Variants in SLC38A10 observed in about 807,000 individuals in gnomAD.
SLC38A10 encodes Sodium-coupled neutral amino acid transporter 10.
A neutral mutation model predicts 81.0 loss-of-function variants in SLC38A10; 53 were observed. The ratio of observed to expected loss-of-function variants is 0.65; its 90% CI spans 0.53 to 0.82. SLC38A10 has a LOEUF of 0.82. SLC38A10 is among the 40% of genes least tolerant of loss of function. SLC38A10 has a pLI of 0.00. For synonymous variants in SLC38A10, 665 were observed against 655.3 expected, an observed-to-expected ratio of 1.01 and a Z score of -0.23; for missense variants, 1,471 against 1,545.0, an observed-to-expected ratio of 0.95 and a Z score of 0.80.
In SLC38A10 at chr17:81,265,881, A is replaced by G. The variant is rs147499320; in HGVS notation, c.1131+5037T>C. ...CTGGGGACAGGACGCACCAGACCCAAGTCAGAGGGAAAAAGAAACCTCTCC... is the reference window on the plus strand; with the variant it reads ...CTGGGGACAGGACGCACCAGACCCAGGTCAGAGGGAAAAAGAAACCTCTCC... On this transcript the variant is annotated intron_variant, in intron 10 of 15. Transcript: ENST00000374759. The surrounding 1 kb of genome is among the most constrained non-coding windows in gnomAD (Gnocchi z 4.2). Among the ~76,000 whole-genome samples, 2 of 152,360 alleles carry G rather than the reference A, an allele frequency of 1.3e-5. No homozygotes were observed. Among genetic ancestry groups the G allele is most frequent in the Non-Finnish European group, 2.9e-5 (2 of 68,024 alleles).
At position 81,270,085 on chromosome 17, in the gene SLC38A10, G is replaced by GA. The variant is rs2063101334; in HGVS notation, c.1131+832dup. Reference sequence around the variant, plus strand: ...AAACGCAAGTGGCTTCTAAACCCATGAAAAGACACTCAAGTTCCCGCCAGA... The same window carrying GA: ...AAACGCAAGTGGCTTCTAAACCCATGAAAAAGACACTCAAGTTCCCGCCAGA... On this transcript the variant is annotated intron_variant, in intron 10 of 15. Coordinates refer to ENST00000374759, the MANE Select transcript of SLC38A10 (RefSeq NM_001037984.3). The surrounding 1 kb of genome is among the most constrained non-coding windows in gnomAD (Gnocchi z 4.0). Among the ~76,000 whole-genome samples the GA allele has an allele frequency of 6.6e-6, 1 of 152,222 alleles. No homozygotes were observed. Among genetic ancestry groups the GA allele is most frequent in the South Asian group, 2.1e-4 (1 of 4,834 alleles).
At chr17:81,294,533 T>A (rs896343104) in intron 1 of SLC38A10, among the ~76,000 whole-genome samples, 1 of 152,204 alleles carries the variant, frequency 6.6e-6, no homozygotes, top group Non-Finnish European at 1.5e-5. Flanking sequence ...CCCTTCCGAT[T>A]CTGGAGGATC....
In SLC38A10 at chr17:81,293,780, C is replaced by A. The variant is rs1367789279; in HGVS notation, c.99+1043G>T. ...ATCTAAAATTAAACTACTGGTGCCA[C>A]TTTGTTTCAAAATATACATGTTGTT... On this transcript the variant is annotated intron_variant, in intron 1 of 15. Transcript: ENST00000374759. Among the ~76,000 whole-genome samples the A allele has an allele frequency of 2.6e-5, 4 of 152,198 alleles. No homozygotes were observed. In the East Asian group the frequency reaches 7.7e-4, roughly 29 times the overall value.
chr17:81,281,688 A>C lies in SLC38A10; in HGVS notation c.501+501T>G, dbSNP rs2063213467. Among the ~76,000 whole-genome samples, 1 of 152,166 alleles carries C rather than the reference A, an allele frequency of 6.6e-6. No individual in the cohort carries two copies. Among genetic ancestry groups the C allele is most frequent in the African/African-American group, 2.4e-5 (1 of 41,424 alleles). On this transcript the variant is annotated intron_variant, in intron 5 of 15. Transcript: ENST00000374759. The surrounding 1 kb of genome is among the most constrained non-coding windows in gnomAD (Gnocchi z 5.3). ...CTACTTGGGAGGCTGAGGCAGGAGAATCACTTGAACCCAGGAGATGGAGGT... is the reference window on the plus strand; with the variant it reads ...CTACTTGGGAGGCTGAGGCAGGAGACTCACTTGAACCCAGGAGATGGAGGT...
At position 81,282,264 on chromosome 17, in the gene SLC38A10, C is replaced by T. The variant is rs779996930; in HGVS notation, c.426G>A (p.Leu142=). Residue 142 remains leucine (L), a synonymous_variant, in exon 5 of 16, where the codon CTG becomes CTA. Transcript: ENST00000374759. ...GGATGGAGGCCATCATGTTCCGCTG[C>T]AGGCTGAGCGGGAGCACGATGCACA... The part of the protein sequence containing the change: ...VSLCIVLPLS[L]QRNMMASIQS... 6.2e-7 allele frequency: 1 copy of T among 1,613,634 alleles called. No individual in the cohort carries two copies. The highest frequency in any genetic ancestry group is 8.5e-7 in the Non-Finnish European group (1 of 1,180,034).
intron 2 of SLC38A10, chr17:81,285,511 C>A (rs915962349): frequency 6.6e-6 from 1 of 152,252 alleles, no homozygotes; most frequent in Admixed American, 6.5e-5. Context: ...CCCGACGGGG[C>A]GGCCGAATGC....
intron 6 of SLC38A10, chr17:81,280,027 G>A: frequency 2.6e-6 from 1 of 390,356 alleles, no homozygotes; most frequent in South Asian, 1.8e-5. Flanking sequence ...TTTCCCGTCT[G>A]CGCCGGATTT....
In SLC38A10 at chr17:81,253,101, C is replaced by T; in HGVS notation, c.1428G>A (p.Glu476=). The change falls in exon 12 of 16, where the codon GAG becomes GAA. Residue 476 remains glutamate (E), a synonymous_variant. Coordinates refer to ENST00000374759, the MANE Select transcript of SLC38A10 (RefSeq NM_001037984.3). The surrounding 1 kb of genome is among the most constrained non-coding windows in gnomAD (Gnocchi z 4.1). The part of the protein sequence containing the change: ...PGREDGKEAP[E]EAQLDRPGQG... ...GCCCAGGGCGATCGAGCTGTGCCTC[C>T]TCCGGTGCCTCCTTGCCATCTTCCC... 6.2e-7 allele frequency: 1 copy of T among 1,613,714 alleles called. No individual in the cohort carries two copies. Among genetic ancestry groups the T allele is most frequent in the Non-Finnish European group, 8.5e-7 (1 of 1,180,008 alleles).
At chr17:81,250,566 C>T (rs915852932) in intron 14 of SLC38A10, among the ~76,000 whole-genome samples, 3 of 152,356 alleles carry the variant, frequency 2.0e-5, no homozygotes, top group Admixed American at 6.5e-5. Context: ...CTGTGCCCTG[C>T]GACCCCCACA....
chr17:81,275,106 T>G (rs1598397730), intron 8 of SLC38A10, among the ~76,000 whole-genome samples: 1 of 152,258 alleles, frequency 6.6e-6, no homozygotes, highest in East Asian at 1.9e-4. Flanking sequence ...TGGAGTCAAG[T>G]GATGTTGCCC....
In SLC38A10 at chr17:81,283,469, G is replaced by C. The variant is rs373226090; in HGVS notation, c.297C>G (p.Ala99=). Residue 99 remains alanine, a synonymous_variant, in exon 4 of 16, where the codon GCC becomes GCG. Transcript: ENST00000374759. The surrounding 1 kb of genome is among the most constrained non-coding windows in gnomAD (Gnocchi z 4.7). ...CCAAGTCGCCGATCACGACGTAGAA[G>C]GCGATGCAGGTGCCCAGCATCAGCC... is the stretch of plus-strand genomic sequence containing the variant. ...MIGLMLGTCI[A]FYVVIGDLGS... The C allele has an allele frequency of 3.1e-6, 5 of 1,612,122 alleles. No homozygotes were observed. Among genetic ancestry groups the C allele is most frequent in the Admixed American group, 1.7e-5 (1 of 59,836 alleles).
At chr17:81,261,186 C>A (rs528732558) in intron 10 of SLC38A10, among the ~76,000 whole-genome samples, 1 of 152,344 alleles carries the variant, frequency 6.6e-6, no homozygotes, top group South Asian at 2.1e-4. Flanking sequence ...CTCGGTGACT[C>A]TGACAAACTG....
In SLC38A10 at chr17:81,294,950, AG is replaced by A; in HGVS notation, c.-30del. 6.4e-7 allele frequency: 1 copy of A among 1,555,138 alleles called. No homozygotes were observed. Reference sequence around the variant, plus strand: ...GAGAGGTCTAGGGGCCCGGGGCGAGAGGCCTCGGGGGTCGCCGGGCTGCGGC... The same window carrying A: ...GAGAGGTCTAGGGGCCCGGGGCGAGAGCCTCGGGGGTCGCCGGGCTGCGGC... On this transcript the variant is annotated 5_prime_UTR_variant, in exon 1 of 16. Coordinates refer to ENST00000374759, the MANE Select transcript of SLC38A10 (RefSeq NM_001037984.3).
rs199931532 is a variant in SLC38A10 at position 81,251,612 on chromosome 17, C to A, written c.1946G>T (p.Gly649Val). ...TGQPAEDSDH[G>V]GKPPLPAEKP... ...CTCCGCTGGGAGGGGAGGCTTCCCACCTGCACACACGGTGAAGACTCAGAA... is the reference window on the plus strand; with the variant it reads ...CTCCGCTGGGAGGGGAGGCTTCCCAACTGCACACACGGTGAAGACTCAGAA... The change falls in exon 14 of 16, where the codon GGT becomes GTT. Residue 649 changes from glycine to valine, a missense_variant and splice_region_variant. Around this residue, in one of 2 missense-constraint regions of SLC38A10, gnomAD observed 751 missense variants for 717.4 expected, o/e 1.05. Transcript: ENST00000374759. 3.4e-5 allele frequency: 51 copies of A among 1,488,014 alleles called. No individual in the cohort carries two copies. The highest frequency in any genetic ancestry group is 4.4e-5 in the Non-Finnish European group (50 of 1,127,110). The allele number at this position is 1,488,014 out of a possible 1,614,324, so 92.2% of individuals were successfully genotyped here.
intron 6 of SLC38A10, among the ~76,000 whole-genome samples, chr17:81,278,161 C>T (rs1445706254): frequency 7.2e-5 from 11 of 152,314 alleles, no homozygotes; most frequent in African/African-American, 2.6e-4. Flanking sequence ...CAGCGGCCAG[C>T]GGAGCCAAAT....
At chr17:81,261,211 C>G (rs1209977864) in intron 10 of SLC38A10, among the ~76,000 whole-genome samples, 3 of 152,192 alleles carry the variant, frequency 2.0e-5, no homozygotes, top group African/African-American at 7.2e-5. Context: ...CTGCTTGGCC[C>G]GGCTCCTGCC....
In SLC38A10 at chr17:81,249,810, C is replaced by A. The variant is rs577121414; in HGVS notation, c.2065+1683G>T. On this transcript the variant is annotated intron_variant, in intron 14 of 15. Coordinates refer to ENST00000374759, the MANE Select transcript of SLC38A10 (RefSeq NM_001037984.3). Reference sequence around the variant, plus strand: ...GCCTGCACTCAGACGCTTGCAGAGACCAGCTGCCCTCTGATGACAGGCAAG... The same window carrying A: ...GCCTGCACTCAGACGCTTGCAGAGAACAGCTGCCCTCTGATGACAGGCAAG... 8.5e-5 allele frequency among the ~76,000 whole-genome samples: 13 copies of A among 152,296 alleles called. No homozygotes were observed. In the South Asian group the frequency reaches 1.7e-3, roughly 19 times the overall value.
At chr17:81,247,398 T>C in intron 14 of SLC38A10, 1 of 239,768 alleles carries the variant, frequency 4.2e-6, no homozygotes, top group South Asian at 1.6e-4. Flanking sequence ...GCCTGCTCGT[T>C]GCCCATGGAA....
rs1347309523 is a variant in SLC38A10, at chr17:81,289,231, G to C, written c.217+460C>G. Among the ~76,000 whole-genome samples the C allele has an allele frequency of 6.6e-6, 1 of 152,010 alleles. No homozygotes were observed. Among genetic ancestry groups the C allele is most frequent in the Non-Finnish European group, 1.5e-5 (1 of 68,006 alleles). On this transcript the variant is annotated intron_variant, in intron 2 of 15. Transcript: ENST00000374759. The surrounding 1 kb of genome is among the most constrained non-coding windows in gnomAD (Gnocchi z 5.9). ...AATTTTTTGTATTTCTGGTAGAGAT[G>C]GGGTTTCACCATGTTGTCCAGGCTC...
Sources: gnomAD v4.1 joint callset for allele counts (sites outside exome capture counted in the v4.1 genomes callset) on GRCh38, gnomAD v4.1.1 for gene constraint, gnomAD v4.1.1 regional missense constraint, Gnocchi (gnomAD v3.1) non-coding constraint, MANE v1.5 for transcripts, NCBI Gene and HGNC (gene_info 2026-07-23, HGNC 2026-07-21) for gene names.